The following CDC45 variants were observed in gnomAD, a reference collection of about 807,000 sequenced individuals.
CDC45 encodes the protein cell division cycle 45.
In CDC45, 54 loss-of-function variants were observed where a neutral mutation model predicts 77.8. The ratio of observed to expected loss-of-function variants is 0.69; its 90% CI spans 0.56 to 0.87. The LOEUF is 0.87. Ranked by LOEUF, CDC45 falls within the 40% of genes least tolerant of loss-of-function variation. CDC45 has a pLI of 0.00. For synonymous variants in CDC45, 260 were observed against 272.1 expected, an observed-to-expected ratio of 0.96 and a Z score of 0.44; for missense variants, 649 against 721.6, an observed-to-expected ratio of 0.90 and a Z score of 1.15.
chr22:19,517,954 C>A (rs1227743835), intron 17 of CDC45, among the ~76,000 whole-genome samples: 1 of 152,234 alleles, frequency 6.6e-6, no homozygotes, highest in African/African-American at 2.4e-5. Context: ...ACGGATTCCT[C>A]AACAATGATA....
Position 19,493,061 on chromosome 22 carries a change from C to T in CDC45, c.487-1266C>T, listed in dbSNP as rs377642100. On this transcript the variant is annotated intron_variant, in intron 5 of 18. Transcript: ENST00000263201. Reference sequence around the variant, plus strand: ...ACAGAGGGCTTGGGGTGCCTTGCTACAGCTTCGCAAGGATGGGAGCCTAGG... The same window carrying T: ...ACAGAGGGCTTGGGGTGCCTTGCTATAGCTTCGCAAGGATGGGAGCCTAGG... 3.3e-5 allele frequency among the ~76,000 whole-genome samples: 5 copies of T among 152,188 alleles called. No individual in the cohort carries two copies. The East Asian group carries it at 7.8e-4, about 24-fold the overall frequency.
chr22:19,517,619 G>A (rs970934189), intron 17 of CDC45, among the ~76,000 whole-genome samples: 9 of 152,178 alleles, frequency 5.9e-5, no homozygotes, highest in African/African-American at 2.2e-4. Flanking sequence ...GAAGGCCCAG[G>A]TCAAGGTGGG....
At position 19,479,929 on chromosome 22, in the gene CDC45, G is replaced by GTACC; in HGVS notation, c.-38_-35dup. 1 of 1,610,950 alleles carries GTACC rather than the reference G, an allele frequency of 6.2e-7. No individual in the cohort carries two copies. Reference sequence around the variant, plus strand: ...AGTCTTGACCGCCGCCGGGCTCTTGGTACCTCAGCGCGAGCGCCAGGCGTC... The same window carrying GTACC: ...AGTCTTGACCGCCGCCGGGCTCTTGGTACCTACCTCAGCGCGAGCGCCAGGCGTC... On this transcript the variant is annotated 5_prime_UTR_variant, in exon 1 of 19. Coordinates refer to ENST00000263201, the MANE Select transcript of CDC45 (RefSeq NM_003504.5).
At chr22:19,498,330 A>T (rs1301978240) in intron 8 of CDC45, among the ~76,000 whole-genome samples, 1 of 152,362 alleles carries the variant, frequency 6.6e-6, no homozygotes. Flanking sequence ...TGCTGTCTGC[A>T]GAAAAGGAGG....
chr22:19,482,619 CAG>C (rs2090000754), intron 3 of CDC45, 69 bp from the exon 4 acceptor site: 3 of 1,519,016 alleles, frequency 2.0e-6, no homozygotes, highest in Non-Finnish European at 2.7e-6. Flanking sequence ...CAGAACAACT[CAG>C]AGGCTTAGTG....
intron 2 of CDC45, among the ~76,000 whole-genome samples, chr22:19,480,574 TG>T (rs2089963398): frequency 6.6e-6 from 1 of 152,122 alleles, no homozygotes; most frequent in Non-Finnish European, 1.5e-5. Flanking sequence ...GTGACAACTG[TG>T]GGTATAGTCG....
intron 2 of CDC45, among the ~76,000 whole-genome samples, chr22:19,480,658 G>T (rs1176842822): frequency 1.3e-5 from 2 of 152,036 alleles, no homozygotes; most frequent in East Asian, 3.9e-4. Flanking sequence ...TTTTGAATAG[G>T]GCATAGTATT....
chr22:19,501,805 C>T (rs966994942), intron 9 of CDC45, among the ~76,000 whole-genome samples: 4 of 152,196 alleles, frequency 2.6e-5, no homozygotes, highest in Non-Finnish European at 4.4e-5. Flanking sequence ...GCTTTGACCT[C>T]CTGGGATCAA....
At chr22:19,512,370 G>A (rs1933564484) in intron 13 of CDC45, among the ~76,000 whole-genome samples, 2 of 152,114 alleles carry the variant, frequency 1.3e-5, no homozygotes, top group South Asian at 2.1e-4. Flanking sequence ...GCTTTCTCTC[G>A]CACTGATGTA....
intron 13 of CDC45, among the ~76,000 whole-genome samples, chr22:19,511,795 G>A (rs1269944138): frequency 6.6e-6 from 1 of 151,852 alleles, no homozygotes; most frequent in African/African-American, 2.4e-5. Flanking sequence ...TTTGTTTCTT[G>A]TGCTTTTGGT....
intron 9 of CDC45, among the ~76,000 whole-genome samples, chr22:19,504,632 G>A (rs1379208649): frequency 3.3e-5 from 5 of 151,964 alleles, no homozygotes. Context: ...TGGAGGGTGA[G>A]GGGCTGGAAA....
chr22:19,494,594 G>T (rs1568920913), intron 6 of CDC45: 7 of 1,544,428 alleles, frequency 4.5e-6, no homozygotes, highest in South Asian at 1.2e-5. Flanking sequence ...CAGCCCCAAG[G>T]TCTCCCAGGT....
At chr22:19,492,616 T>G (rs920602429) in intron 5 of CDC45, among the ~76,000 whole-genome samples, 4 of 152,212 alleles carry the variant, frequency 2.6e-5, no homozygotes, top group Admixed American at 2.0e-4. Flanking sequence ...TCGGTGGGTT[T>G]TCTTTTTTCA....
intron 5 of CDC45, among the ~76,000 whole-genome samples, chr22:19,492,557 A>G (rs2090169506): frequency 6.6e-6 from 1 of 152,154 alleles, no homozygotes; most frequent in Non-Finnish European, 1.5e-5. Flanking sequence ...TGGCTGCTTT[A>G]AAATCTTGGG....
intron 2 of CDC45, 60 bp downstream of exon 2, chr22:19,480,277 G>T: frequency 6.7e-7 from 1 of 1,489,132 alleles, no homozygotes. Flanking sequence ...TGCTGCGTGG[G>T]GGCGCAGGGC....
intron 5 of CDC45, among the ~76,000 whole-genome samples, chr22:19,484,654 C>T (rs960327780): frequency 2.6e-5 from 4 of 152,204 alleles, no homozygotes; most frequent in Non-Finnish European, 4.4e-5. Context: ...AATTTGCCCC[C>T]GTAATGTTCT....
chr22:19,502,515 C>T (rs1465365768), intron 9 of CDC45, among the ~76,000 whole-genome samples: 2 of 152,204 alleles, frequency 1.3e-5, no homozygotes. Flanking sequence ...CATACACACA[C>T]ATACAAAGGT....
chr22:19,517,789 C>T (rs1442872666), intron 17 of CDC45, among the ~76,000 whole-genome samples: 1 of 152,168 alleles, frequency 6.6e-6, no homozygotes, highest in Non-Finnish European at 1.5e-5. Flanking sequence ...TAGAGCCCAC[C>T]CTAACAACCA....
intron 5 of CDC45, among the ~76,000 whole-genome samples, chr22:19,492,190 C>T (rs1448576061): frequency 6.6e-6 from 1 of 152,080 alleles, no homozygotes; most frequent in African/African-American, 2.4e-5. Context: ...TCCTCCAGGG[C>T]ACTGATGACG....
Sources: gnomAD v4.1 joint callset for allele counts (sites outside exome capture counted in the v4.1 genomes callset) on GRCh38, gnomAD v4.1.1 for gene constraint, MANE v1.5 for transcripts, NCBI Gene and HGNC (gene_info 2026-07-23, HGNC 2026-07-21) for gene names.